ZMYM2: variants seen among roughly 807,000 people sequenced by gnomAD.
ZMYM2 encodes zinc finger MYM-type containing 2.
A neutral mutation model predicts 162.8 loss-of-function variants in ZMYM2; 56 were observed. That is an observed-to-expected ratio of 0.34 (90% CI 0.28 to 0.43). The LOEUF is 0.43. ZMYM2 is among the 20% of genes least tolerant of loss of function. The pLI is 1.00. For synonymous variants in ZMYM2, 510 were observed against 541.6 expected (o/e 0.94, Z 0.81); for missense variants, 1,275 against 1,621.8 (o/e 0.79, Z 3.67).
At chr13:19,885,413 A>G in the ZMYM2 span, among the ~76,000 whole-genome samples, 1 of 152,164 alleles carries the variant, frequency 6.6e-6, no homozygotes, top group South Asian at 2.1e-4. Flanking sequence ...TTTACTGAAG[A>G]TTGGTTCTAG....
At chr13:19,894,983 A>G in the ZMYM2 span, among the ~76,000 whole-genome samples, 1 of 145,048 alleles carries the variant, frequency 6.9e-6, no homozygotes, top group Non-Finnish European at 1.5e-5. Context: ...AGGCTGAGGC[A>G]GGAGAATCAC....
chr13:20,017,236 C>T (rs1419342667), intron 6 of ZMYM2, among the ~76,000 whole-genome samples: 1 of 152,226 alleles, frequency 6.6e-6, no homozygotes, highest in Non-Finnish European at 1.5e-5. Flanking sequence ...TGAGGCATCA[C>T]ATTGTAGCCC....
chr13:20,001,899 T>C (rs866963096), intron 3 of ZMYM2, among the ~76,000 whole-genome samples: 6 of 152,238 alleles, frequency 3.9e-5, no homozygotes, highest in African/African-American at 1.4e-4. Flanking sequence ...TATAATACTA[T>C]TGTACACTTA....
rs71198947 is a variant in ZMYM2, at chr13:19,991,048, CTGTG to C, written c.-10-2001_-10-1998del. Among the ~76,000 whole-genome samples the C allele has an allele frequency of 8.5e-5, 12 of 141,384 alleles. 1 individual carries two copies. Among genetic ancestry groups the C allele is most frequent in the African/African-American group, 2.0e-4 (8 of 39,244 alleles). The allele number at this position is 141,384 out of a possible 152,430, so 92.8% of individuals were successfully genotyped here. ...TAACTTTGTCCTAGAAATTTTCTCT[CTGTG>C]TGTGTGTGTGTGTACGTATGTATTT... On this transcript the variant is annotated intron_variant, in intron 2 of 24. Transcript: ENST00000610343.
chr13:19,963,206 A>G (rs138918131), intron 2 of ZMYM2, among the ~76,000 whole-genome samples: 2 of 152,340 alleles, frequency 1.3e-5, no homozygotes, highest in East Asian at 1.9e-4. Flanking sequence ...TGGATTCACA[A>G]ATAGTATTTT....
intron 2 of ZMYM2, among the ~76,000 whole-genome samples, chr13:19,981,490 T>G (rs924352933): frequency 8.5e-5 from 13 of 152,278 alleles, no homozygotes; most frequent in African/African-American, 3.1e-4. Context: ...AGCAAGTGTT[T>G]TGGGCTAATC....
At chr13:19,976,697 A>G (rs972872156) in intron 2 of ZMYM2, among the ~76,000 whole-genome samples, 1 of 152,252 alleles carries the variant, frequency 6.6e-6, no homozygotes, top group Non-Finnish European at 1.5e-5. Context: ...TTCAGGTAGC[A>G]TGATGTCCTC....
the ZMYM2 span, among the ~76,000 whole-genome samples, chr13:19,948,462 A>G: frequency 6.6e-6 from 1 of 152,224 alleles, no homozygotes; most frequent in Non-Finnish European, 1.5e-5. Flanking sequence ...AAGGACACGG[A>G]GGAAACTTAA....
At chr13:19,965,405 A>ATAG in intron 2 of ZMYM2, 1 of 461,042 alleles carries the variant, frequency 2.2e-6, no homozygotes, top group Non-Finnish European at 3.6e-6. Flanking sequence ...CCTAGGAAGA[A>ATAG]TAGTGTTTCT....
intron 2 of ZMYM2, chr13:19,965,172 G>A: frequency 9.0e-7 from 1 of 1,110,788 alleles, no homozygotes; most frequent in Non-Finnish European, 1.2e-6. Context: ...AATAATGTTT[G>A]TAAAATGTGA....
At chr13:20,029,605 G>T (rs186848165) in intron 9 of ZMYM2, among the ~76,000 whole-genome samples, 7 of 152,066 alleles carry the variant, frequency 4.6e-5, no homozygotes, top group African/African-American at 1.7e-4. Context: ...TTTAAAAATG[G>T]TAGTTTTTTC....
the ZMYM2 span, among the ~76,000 whole-genome samples, chr13:19,929,226 T>C: frequency 8.0e-5 from 12 of 150,228 alleles, no homozygotes; most frequent in East Asian, 9.8e-4. Flanking sequence ...GATAACATTA[T>C]GTATTTTTTT....
At chr13:20,072,947 C>T (rs907851762) in intron 21 of ZMYM2, among the ~76,000 whole-genome samples, 5 of 150,112 alleles carry the variant, frequency 3.3e-5, no homozygotes, top group African/African-American at 7.4e-5. Context: ...CTCACTTTGT[C>T]GCACAGGCTG....
At chr13:20,041,332 T>A (rs558071982) in intron 12 of ZMYM2, among the ~76,000 whole-genome samples, 1 of 152,304 alleles carries the variant, frequency 6.6e-6, no homozygotes, top group East Asian at 1.9e-4. Flanking sequence ...TTTGTCTTTT[T>A]TGATCTTTGT....
Position 19,958,773 on chromosome 13 carries a change from T to C in ZMYM2, c.-148T>C, listed in dbSNP as rs998055617. On this transcript the variant is annotated 5_prime_UTR_variant, in exon 1 of 25. Transcript: ENST00000610343. ...GCCGGGACTGGACCGAGCGGAGTTG[T>C]GCGTGTCGCCGAAGGGGGGTGGGCC... is the stretch of plus-strand genomic sequence containing the variant. 8.4e-6 allele frequency: 1 copy of C among 119,080 alleles called. No individual in the cohort carries two copies. The highest frequency in any genetic ancestry group is 3.2e-5 in the African/African-American group (1 of 31,214). The allele number at this position is 119,080 out of a possible 1,614,324, so 7.4% of individuals were successfully genotyped here. A position where few individuals can be genotyped will look rare whatever the true frequency, so the allele number is the denominator to read the frequency against.
chr13:20,003,018 A>C lies in ZMYM2; in HGVS notation c.1016A>C (p.Gln339Pro). The change falls in exon 4 of 25, where the codon CAG (glutamine) becomes CCG (proline). Residue 339 changes from glutamine to proline, a missense_variant. By Grantham distance (76) the Gln-to-Pro change is moderately conservative. Coordinates refer to ENST00000610343, the MANE Select transcript of ZMYM2 (RefSeq NM_197968.4). Reference sequence around the variant, plus strand: ...TGTGCAAACTGCAAAAAACCTTTACAGAAGGGCCAGACAGCTTATCAACGA... The same window carrying C: ...TGTGCAAACTGCAAAAAACCTTTACCGAAGGGCCAGACAGCTTATCAACGA... Reference protein sequence around the residue: ...VTCANCKKPLQKGQTAYQRKG... With the variant: ...VTCANCKKPLPKGQTAYQRKG... 1 of 1,614,196 alleles carries C rather than the reference A, an allele frequency of 6.2e-7. No homozygotes were observed. The highest frequency in any genetic ancestry group is 8.5e-7 in the Non-Finnish European group (1 of 1,180,032).
At chr13:20,057,039 A>G (rs1955851786) in intron 14 of ZMYM2, among the ~76,000 whole-genome samples, 1 of 152,200 alleles carries the variant, frequency 6.6e-6, no homozygotes, top group South Asian at 2.1e-4. Context: ...CAGACCACAC[A>G]GCGCAGTACC....
At chr13:19,902,052 G>A in the ZMYM2 span, among the ~76,000 whole-genome samples, 15 of 152,068 alleles carry the variant, frequency 9.9e-5, no homozygotes, top group African/African-American at 3.4e-4. Flanking sequence ...GCCTCCCAAA[G>A]GTATTGGGAT....
chr13:19,981,271 T>TAAAAAACAG (rs1168673292), intron 2 of ZMYM2, among the ~76,000 whole-genome samples: 1 of 148,552 alleles, frequency 6.7e-6, no homozygotes. Context: ...ACCCTGCCTC[T>TAAAAAACAG]AAAAAACAGA....
Sources: allele counts gnomAD v4.1 joint callset (sites outside exome capture counted in the v4.1 genomes callset), GRCh38; gene constraint gnomAD v4.1.1; transcripts MANE v1.5; gene names NCBI Gene and HGNC (gene_info 2026-07-23, HGNC 2026-07-21).